ELF2: variants seen among roughly 807,000 people sequenced by gnomAD.
The protein encoded by ELF2 is E74 like ETS transcription factor 2, also known as ETS-related transcription factor Elf-2.
Under a neutral mutation model 54.8 loss-of-function variants are expected in ELF2, and 11 were observed. The ratio of observed to expected loss-of-function variants is 0.20; its 90% CI spans 0.13 to 0.33. ELF2 has a LOEUF of 0.33. Among genes scored for constraint, ELF2 ranks in the 10% least tolerant of loss-of-function variants. ELF2 has a pLI of 1.00. For synonymous variants in ELF2, 203 were observed against 245.1 expected, an observed-to-expected ratio of 0.83 and a Z score of 1.61; for missense variants, 513 against 703.0, an observed-to-expected ratio of 0.73 and a Z score of 3.06.
intron 4 of ELF2, among the ~76,000 whole-genome samples, chr4:139,082,218 C>T (rs1731214121): frequency 6.6e-6 from 1 of 152,144 alleles, no homozygotes; most frequent in African/African-American, 2.4e-5. Context: ...GTGTTCGCAG[C>T]CACTGGAAAC....
intron 8 of ELF2, 58 bp downstream of exon 8, chr4:139,061,807 T>C (rs1331890960): frequency 1.1e-5 from 17 of 1,583,506 alleles, no homozygotes; most frequent in African/African-American, 1.4e-5. Flanking sequence ...AAACAGCTAA[T>C]AGACATATAA....
chr4:139,171,348 C>T (rs1742291421), intron 1 of ELF2, among the ~76,000 whole-genome samples: 1 of 152,114 alleles, frequency 6.6e-6, no homozygotes, highest in African/African-American at 2.4e-5. Flanking sequence ...CTACAGTGAG[C>T]TCTGGTCGCA....
At chr4:139,168,915 A>G (rs1330955550) in intron 1 of ELF2, among the ~76,000 whole-genome samples, 2 of 152,114 alleles carry the variant, frequency 1.3e-5, no homozygotes, top group Non-Finnish European at 2.9e-5. Context: ...AGTTGTTAGA[A>G]TTAAAATTGA....
intron 4 of ELF2, chr4:139,115,013 A>G: frequency 6.2e-7 from 1 of 1,613,800 alleles, no homozygotes; most frequent in Non-Finnish European, 8.5e-7. Context: ...GTGGGTTTGT[A>G]ACAGTCAACC....
At chr4:139,126,717 G>A (rs1736956950) in intron 3 of ELF2, among the ~76,000 whole-genome samples, 1 of 152,158 alleles carries the variant, frequency 6.6e-6, no homozygotes, top group African/African-American at 2.4e-5. Flanking sequence ...TCTTCACCCA[G>A]TCAAATCATC....
chr4:139,058,428 T>C lies in ELF2; in HGVS notation c.*555A>G, dbSNP rs1727335509. 6.7e-6 allele frequency: 1 copy of C among 148,488 alleles called. No individual in the cohort carries two copies. The highest frequency in any genetic ancestry group is 1.9e-4 in the East Asian group (1 of 5,132). 9.2% of individuals were successfully genotyped at this position (148,488 alleles called of 1,614,324 possible). ...GTATGTATATATATATATATATATATATAAAATCGCACTAGATCTTTTTTT... is the reference window on the plus strand; with the variant it reads ...GTATGTATATATATATATATATATACATAAAATCGCACTAGATCTTTTTTT... On this transcript the variant is annotated 3_prime_UTR_variant, in exon 10 of 10. Coordinates refer to ENST00000686138, the MANE Select transcript of ELF2 (RefSeq NM_001331036.3).
intron 4 of ELF2, among the ~76,000 whole-genome samples, chr4:139,121,896 T>C (rs1278042475): frequency 1.3e-5 from 2 of 152,214 alleles, no homozygotes; most frequent in Non-Finnish European, 2.9e-5. Context: ...ACGTAGACTG[T>C]TAATCTACAA....
rs115051307 is a variant in ELF2 at position 139,131,642 on chromosome 4, G to A, written c.72+5988C>T. 5.2e-3 allele frequency among the ~76,000 whole-genome samples: 787 copies of A among 152,202 alleles called. 8 individuals are homozygous for A. Among genetic ancestry groups the A allele is most frequent in the African/African-American group, 0.017 (723 of 41,538 alleles). ...AATCTTATCAAAACTGAAAAATGCCGTTTGGCAGGCTTTAGGGAGGACTCA... is the reference window on the plus strand; with the variant it reads ...AATCTTATCAAAACTGAAAAATGCCATTTGGCAGGCTTTAGGGAGGACTCA... On this transcript the variant is annotated intron_variant, in intron 3 of 9. Transcript: ENST00000686138.
At chr4:139,087,452 C>T (rs1323590479) in intron 4 of ELF2, among the ~76,000 whole-genome samples, 1 of 152,012 alleles carries the variant, frequency 6.6e-6, no homozygotes, top group East Asian at 1.9e-4. Flanking sequence ...TAGACAAACA[C>T]GTTTTTTTGT....
intron 7 of ELF2, chr4:139,067,434 G>A: frequency 2.3e-6 from 1 of 426,978 alleles, no homozygotes; most frequent in Non-Finnish European, 4.3e-6. Context: ...GACATCCTTT[G>A]GACTTTTTCC....
intron 7 of ELF2, among the ~76,000 whole-genome samples, chr4:139,062,704 C>A (rs952721254): frequency 6.6e-6 from 1 of 152,138 alleles, no homozygotes; most frequent in African/African-American, 2.4e-5. Context: ...ATATGATAAG[C>A]CTAAATTCCA....
At chr4:139,086,323 C>T (rs1361375079) in intron 4 of ELF2, among the ~76,000 whole-genome samples, 1 of 152,102 alleles carries the variant, frequency 6.6e-6, no homozygotes, top group African/African-American at 2.4e-5. Flanking sequence ...AAAAATATGT[C>T]TGTGAAGCAC....
intron 4 of ELF2, among the ~76,000 whole-genome samples, chr4:139,077,049 A>G (rs763225999): frequency 1.3e-5 from 2 of 152,182 alleles, no homozygotes; most frequent in Non-Finnish European, 2.9e-5. Context: ...CGTTGCTGAC[A>G]TTTACCATGT....
chr4:139,059,756 C>T, intron 9 of ELF2, 149 bp from the exon 10 acceptor site: 1 of 853,662 alleles, frequency 1.2e-6, no homozygotes. Flanking sequence ...ATGTTTGACA[C>T]AAACATACCA....
chr4:139,083,641 A>C (rs1298599068), intron 4 of ELF2, among the ~76,000 whole-genome samples: 2 of 152,190 alleles, frequency 1.3e-5, no homozygotes, highest in Non-Finnish European at 2.9e-5. Flanking sequence ...CGAAGTCTGA[A>C]GGGAGAACCG....
intron 1 of ELF2, among the ~76,000 whole-genome samples, chr4:139,154,710 G>A (rs1461166066): frequency 6.6e-6 from 1 of 151,262 alleles, no homozygotes; most frequent in Admixed American, 6.6e-5. Flanking sequence ...TTATCTTCAT[G>A]AGTGCAGGAC....
intron 4 of ELF2, among the ~76,000 whole-genome samples, chr4:139,107,457 A>ATT (rs1734529045): frequency 6.6e-6 from 1 of 152,204 alleles, no homozygotes; most frequent in Non-Finnish European, 1.5e-5. Context: ...ATCATCACAC[A>ATT]TTATATATAT....
chr4:139,175,419 G>C (rs1742801566), intron 1 of ELF2, among the ~76,000 whole-genome samples: 1 of 152,106 alleles, frequency 6.6e-6, no homozygotes, highest in Admixed American at 6.6e-5. Flanking sequence ...TCTATTTCAT[G>C]TGTTTAACTA....
intron 4 of ELF2, among the ~76,000 whole-genome samples, chr4:139,104,009 G>C (rs1734165860): frequency 6.6e-6 from 1 of 152,122 alleles, no homozygotes; most frequent in Admixed American, 6.5e-5. Flanking sequence ...TTCCCTTCAA[G>C]TAGTGTATAT....
Sources: allele counts gnomAD v4.1 joint callset (sites outside exome capture counted in the v4.1 genomes callset), GRCh38; gene constraint gnomAD v4.1.1; transcripts MANE v1.5; gene names NCBI Gene and HGNC (gene_info 2026-07-23, HGNC 2026-07-21).